SLC2A14: variants seen among roughly 807,000 people sequenced by gnomAD.
SLC2A14 encodes solute carrier family 2, facilitated glucose transporter member 14.
SLC2A14 carries 13 observed loss-of-function variants against 43.0 expected under a neutral mutation model. The observed-to-expected ratio is 0.30, with a 90% CI of 0.20 to 0.48. The LOEUF is 0.48. SLC2A14 is among the 20% of genes least tolerant of loss of function. SLC2A14 has a pLI of 0.99. For synonymous variants in SLC2A14, 190 were observed against 233.8 expected, an observed-to-expected ratio of 0.81 and a Z score of 1.71; for missense variants, 428 against 620.4, an observed-to-expected ratio of 0.69 and a Z score of 3.29.
intron 7 of SLC2A14, among the ~76,000 whole-genome samples, chr12:7,825,546 A>G (rs1173856081): frequency 7.1e-6 from 1 of 140,700 alleles, no homozygotes; most frequent in Non-Finnish European, 1.7e-5. Context: ...GGCAGATCAC[A>G]AAGTCAGGAG....
At chr12:7,882,877 C>A (rs1337688712) in intron 1 of SLC2A14, among the ~76,000 whole-genome samples, 1 of 110,088 alleles carries the variant, frequency 9.1e-6, no homozygotes, top group Non-Finnish European at 2.0e-5. Flanking sequence ...GAAGTTGTTT[C>A]TCAATTCAAG....
In SLC2A14 at chr12:7,869,548, C is replaced by T. The variant is rs184028281; in HGVS notation, c.18+315G>A. 2.5e-4 allele frequency among the ~76,000 whole-genome samples: 38 copies of T among 152,204 alleles called. 1 individual carries two copies. The highest frequency in any genetic ancestry group is 5.9e-4 in the Admixed American group (9 of 15,282). ...CCATGGTTCTTTCCAAGGAAATTCC[C>T]GCAAAACCAGTTGCATATGATTATT... On this transcript the variant is annotated intron_variant, in intron 2 of 10. Coordinates refer to ENST00000431042, the MANE Select transcript of SLC2A14 (RefSeq NM_001286234.2).
At chr12:7,814,685 T>C (rs1182686385) in intron 10 of SLC2A14, 151 bp from the exon 11 acceptor site, 3 of 908,462 alleles carry the variant, frequency 3.3e-6, no homozygotes, top group Non-Finnish European at 4.9e-6. Context: ...GATTTACTTA[T>C]GATTCTATTG....
rs184447825 is a variant in SLC2A14, at chr12:7,888,672, C to T, written c.132+2324G>A. On this transcript the variant is annotated intron_variant, in intron 1 of 9. Transcript: ENST00000539924. ...AATTAGCCAGGCGTGGTGGTGCATG[C>T]CTGTAGTCTCAGCTGCTCCGGAGGC... Among the ~76,000 whole-genome samples, 261 of 151,934 alleles carry T rather than the reference C, an allele frequency of 1.7e-3. 2 individuals are homozygous for T. The highest frequency in any genetic ancestry group is 0.012 in the South Asian group (60 of 4,808).
intron 2 of SLC2A14, among the ~76,000 whole-genome samples, chr12:7,859,407 A>G (rs954245181): frequency 1.5e-4 from 23 of 152,260 alleles, no homozygotes; most frequent in African/African-American, 5.5e-4. Context: ...AATAAAAAAA[A>G]AAAGGAAATA....
At chr12:7,874,370 C>G (rs7304024), upstream of SLC2A14, among the ~76,000 whole-genome samples, 129,616 of 152,016 alleles carry the variant, frequency 0.85, 55,573 homozygotes, top group South Asian at 0.96. Flanking sequence ...CCTTTGCAAT[C>G]AGTATTTTAA....
chr12:7,867,662 T>C (rs1057245691), intron 2 of SLC2A14, among the ~76,000 whole-genome samples: 12 of 151,840 alleles, frequency 7.9e-5, no homozygotes, highest in Non-Finnish European at 1.6e-4. Context: ...CTGGCCAATA[T>C]GGTGAAACCC....
chr12:7,858,669 T>G (rs1337944174), intron 2 of SLC2A14, among the ~76,000 whole-genome samples: 3 of 151,948 alleles, frequency 2.0e-5, no homozygotes, highest in Non-Finnish European at 4.4e-5. Context: ...CCTGCTAATT[T>G]TGTATTTTTA....
Position 7,833,281 on chromosome 12 carries a change from G to A in SLC2A14, c.19-467C>T, listed in dbSNP as rs781008456. Among the ~76,000 whole-genome samples, 30 of 152,308 alleles carry A rather than the reference G, an allele frequency of 2.0e-4. No homozygotes were observed. The South Asian group carries it at 5.8e-3, about 29-fold the overall frequency. On this transcript the variant is annotated intron_variant, in intron 2 of 10. Coordinates refer to ENST00000431042, the MANE Select transcript of SLC2A14 (RefSeq NM_001286234.2). ...GTGGTGGTGGTAGGGGGAGGTGGTA[G>A]TAGTTTGTGTCTTCACTGCTGGGTG...
chr12:7,844,282 G>A (rs1325485527), intron 2 of SLC2A14, among the ~76,000 whole-genome samples: 1 of 152,094 alleles, frequency 6.6e-6, no homozygotes, highest in East Asian at 1.9e-4. Flanking sequence ...TTTTCACTGA[G>A]CATCGTGTCT....
intron 1 of SLC2A14, among the ~76,000 whole-genome samples, chr12:7,884,793 AT>A (rs1945659779): frequency 6.6e-6 from 1 of 152,158 alleles, no homozygotes; most frequent in Non-Finnish European, 1.5e-5. Context: ...TTTGGAAGGC[AT>A]TCTTAGATGT....
intron 1 of SLC2A14, among the ~76,000 whole-genome samples, chr12:7,887,249 G>A (rs755849308): frequency 9.9e-5 from 15 of 151,864 alleles, no homozygotes; most frequent in African/African-American, 3.6e-4. Flanking sequence ...GTTCTCTCTA[G>A]AAGAGTAGTT....
At chr12:7,840,022 G>A in intron 2 of SLC2A14, 1 of 345,218 alleles carries the variant, frequency 2.9e-6, no homozygotes. Context: ...TGAGGTGGGA[G>A]GATCACTTGA....
At chr12:7,855,957 A>G (rs1867336191) in intron 2 of SLC2A14, among the ~76,000 whole-genome samples, 1 of 152,014 alleles carries the variant, frequency 6.6e-6, no homozygotes. Flanking sequence ...CTCTCAATGC[A>G]CCAGCCTCAC....
chr12:7,841,370 C>A (rs867866707), intron 2 of SLC2A14, among the ~76,000 whole-genome samples: 1 of 152,124 alleles, frequency 6.6e-6, no homozygotes, highest in Non-Finnish European at 1.5e-5. Context: ...AAGCGATTCT[C>A]CTGCCTCAGC....
At chr12:7,872,004 T>G in intron 1 of SLC2A14, 2 of 603,572 alleles carry the variant, frequency 3.3e-6, no homozygotes, top group Non-Finnish European at 4.2e-6. Flanking sequence ...AAGGTACTAT[T>G]TATTTATCTG....
intron 10 of SLC2A14, among the ~76,000 whole-genome samples, chr12:7,815,679 C>T (rs1463908498): frequency 2.0e-5 from 3 of 151,966 alleles, no homozygotes; most frequent in Non-Finnish European, 4.4e-5. Flanking sequence ...CAGGTTCAAG[C>T]GATTCTCCTG....
intron 2 of SLC2A14, among the ~76,000 whole-genome samples, chr12:7,855,942 G>A (rs1867333541): frequency 6.6e-6 from 1 of 151,764 alleles, no homozygotes; most frequent in African/African-American, 2.4e-5. Context: ...GCTTACAAAA[G>A]CTCCCTCTCA....
intron 2 of SLC2A14, among the ~76,000 whole-genome samples, chr12:7,843,104 T>G (rs970401085): frequency 1.1e-4 from 17 of 151,984 alleles, no homozygotes; most frequent in Non-Finnish European, 1.8e-4. Context: ...TCCTCAAGCA[T>G]TTATGCTTTG....
Sources: gnomAD v4.1 joint callset for allele counts (sites outside exome capture counted in the v4.1 genomes callset) on GRCh38, gnomAD v4.1.1 for gene constraint, MANE v1.5 for transcripts, NCBI Gene and HGNC (gene_info 2026-07-23, HGNC 2026-07-21) for gene names.